The following SART3 variants were observed in gnomAD, a reference collection of about 807,000 sequenced individuals.
The protein encoded by SART3 is HIV-1 Tat-interacting protein of 110kDa.
SART3 carries 44 observed loss-of-function variants against 122.3 expected under a neutral mutation model. The observed-to-expected ratio is 0.36, with a 90% CI of 0.28 to 0.46. SART3 has a LOEUF of 0.46. SART3 is among the 20% of genes least tolerant of loss of function. The pLI is 1.00. For synonymous variants in SART3, 442 were observed against 454.0 expected, an observed-to-expected ratio of 0.97 and a Z score of 0.34; for missense variants, 1,101 against 1,229.0, an observed-to-expected ratio of 0.90 and a Z score of 1.56.
At chr12:108,551,186 C>T (rs2029994365) in intron 1 of SART3, among the ~76,000 whole-genome samples, 1 of 152,084 alleles carries the variant, frequency 6.6e-6, no homozygotes. Context: ...TTGAAGCGGA[C>T]ATATTAATAT....
intron 1 of SART3, among the ~76,000 whole-genome samples, chr12:108,555,963 T>A (rs1016880): frequency 6.6e-6 from 1 of 152,062 alleles, no homozygotes; most frequent in African/African-American, 2.4e-5. Context: ...ATAGACAAAC[T>A]GAAGAGAGAG....
At chr12:108,524,197 A>C in intron 18 of SART3, 119 bp downstream of exon 18, 1 of 890,484 alleles carries the variant, frequency 1.1e-6, no homozygotes, top group Non-Finnish European at 1.9e-6. Flanking sequence ...AAGGAACAGC[A>C]CATCTTGGCT....
intron 18 of SART3, 156 bp downstream of exon 18, chr12:108,524,160 C>T: frequency 2.6e-6 from 2 of 755,480 alleles, no homozygotes; most frequent in Admixed American, 3.7e-5. Flanking sequence ...GGACGCCTTG[C>T]TCCAGTGGAA....
At chr12:108,548,507 A>G (rs1873537545) in intron 2 of SART3, among the ~76,000 whole-genome samples, 1 of 152,090 alleles carries the variant, frequency 6.6e-6, no homozygotes, top group African/African-American at 2.4e-5. Flanking sequence ...ACCTGACTCC[A>G]GCATCTACAC....
In SART3 at chr12:108,538,222, G is replaced by A. The variant is rs150765293; in HGVS notation, c.1063-19C>T. 1.1e-4 allele frequency: 175 copies of A among 1,613,896 alleles called. No homozygotes were observed. Among genetic ancestry groups the A allele is most frequent in the Admixed American group, 7.7e-4 (46 of 60,024 alleles). ...GTCGATCCTATGATAAAGAATTCCA[G>A]AGTTAGGAAATTACACTTTATTAAG... On this transcript the variant is annotated intron_variant, in intron 7 of 18. Transcript: ENST00000546815.
chr12:108,544,620 G>A (rs1293390840), intron 4 of SART3, 142 bp from the exon 5 acceptor site: 2 of 1,153,912 alleles, frequency 1.7e-6, no homozygotes, highest in Non-Finnish European at 2.6e-6. Context: ...TGGCTGGAGT[G>A]TGGTGGTGTG....
At chr12:108,558,840 T>C (rs976656924) in intron 1 of SART3, among the ~76,000 whole-genome samples, 1 of 152,054 alleles carries the variant, frequency 6.6e-6, no homozygotes, top group Non-Finnish European at 1.5e-5. Flanking sequence ...GAGACCATCC[T>C]GGCTAAAACG....
At chr12:108,552,781 G>A (rs1476023568) in intron 1 of SART3, among the ~76,000 whole-genome samples, 1 of 152,102 alleles carries the variant, frequency 6.6e-6, no homozygotes, top group Non-Finnish European at 1.5e-5. Context: ...TGACTTACAG[G>A]CTTACTGAAA....
In SART3 at chr12:108,524,442, C is replaced by T. The variant is rs1171982445; in HGVS notation, c.2588G>A (p.Gly863Asp). Reference sequence around the variant, plus strand: ...GATGATGTTCTCTTTGATAGTCATGCCGTCCATCTTCATCACAGCCTGCGA... The same window carrying T: ...GATGATGTTCTCTTTGATAGTCATGTCGTCCATCTTCATCACAGCCTGCGA... The part of the protein sequence containing the change: ...QASQAVMKMD[G>D]MTIKENIIKV... The change falls in exon 18 of 19, where the codon GGC (glycine) becomes GAC (aspartate). Residue 863 changes from glycine (G) to aspartate (D), a missense_variant. Gly to Asp is a moderately conservative substitution (Grantham distance 94, BLOSUM62 -1). Around this residue, in one of 2 missense-constraint regions of SART3, gnomAD observed 885 missense variants for 1,080.1 expected, o/e 0.82. Coordinates refer to ENST00000546815, the MANE Select transcript of SART3 (RefSeq NM_014706.4). 6.2e-7 allele frequency: 1 copy of T among 1,614,184 alleles called. No individual in the cohort carries two copies. Among genetic ancestry groups the T allele is most frequent in the Non-Finnish European group, 8.5e-7 (1 of 1,180,018 alleles).
chr12:108,541,265 G>T (rs951085549), intron 6 of SART3, among the ~76,000 whole-genome samples: 2 of 151,932 alleles, frequency 1.3e-5, no homozygotes, highest in Non-Finnish European at 2.9e-5. Context: ...AAATTAGCGG[G>T]GCTTGGTGAC....
At chr12:108,529,119 T>C (rs1872531424) in intron 15 of SART3, among the ~76,000 whole-genome samples, 2 of 152,104 alleles carry the variant, frequency 1.3e-5, no homozygotes, top group South Asian at 4.1e-4. Context: ...CGAGACTCTG[T>C]CTCAAAAATA....
intron 1 of SART3, among the ~76,000 whole-genome samples, chr12:108,559,653 A>C (rs960633315): frequency 8.0e-6 from 1 of 125,184 alleles, no homozygotes; most frequent in Non-Finnish European, 1.6e-5. Flanking sequence ...TGACAGGGCG[A>C]GACTCTGTCT....
intron 8 of SART3, 89 bp downstream of exon 8, chr12:108,537,976 G>C: frequency 1.9e-6 from 3 of 1,552,758 alleles, no homozygotes; most frequent in Non-Finnish European, 2.7e-6. Context: ...GAAAACCCCA[G>C]GGAACACTGA....
intron 15 of SART3, 93 bp downstream of exon 15, chr12:108,530,049 G>T: frequency 7.0e-7 from 1 of 1,422,826 alleles, no homozygotes; most frequent in Non-Finnish European, 9.9e-7. Flanking sequence ...TATCAAGCTG[G>T]TAACGGTTCA....
chr12:108,553,437 TAA>T, intron 1 of SART3, among the ~76,000 whole-genome samples: 2 of 152,276 alleles, frequency 1.3e-5, no homozygotes, highest in East Asian at 3.8e-4. Flanking sequence ...TATCTCAAAA[TAA>T]AAAGGCGAAT....
chr12:108,544,716 C>T (rs1368195145), intron 4 of SART3: 1 of 627,562 alleles, frequency 1.6e-6, no homozygotes, highest in African/African-American at 1.8e-5. Flanking sequence ...CAGGCATACG[C>T]CATCATGCCC....
chr12:108,555,597 G>A (rs562097175), intron 1 of SART3, among the ~76,000 whole-genome samples: 2 of 152,158 alleles, frequency 1.3e-5, no homozygotes, highest in Non-Finnish European at 2.9e-5. Flanking sequence ...CCCAGCAGGC[G>A]GAGGTTGCAG....
At chr12:108,537,622 G>A (rs757508407) in intron 8 of SART3, 27 bp from the exon 9 acceptor site, 1 of 1,566,858 alleles carries the variant, frequency 6.4e-7, no homozygotes, top group Non-Finnish European at 8.8e-7. Context: ...GTCAGGATTT[G>A]TTACCAATTC....
Position 108,523,023 on chromosome 12 carries a change from T to TTAC in SART3, c.*431_*433dup, listed in dbSNP as rs1872196583. 5.1e-6 allele frequency: 1 copy of TTAC among 196,084 alleles called. No individual in the cohort carries two copies. Among genetic ancestry groups the TTAC allele is most frequent in the Non-Finnish European group, 1.1e-5 (1 of 94,296 alleles). 12.1% of individuals were successfully genotyped at this position (196,084 alleles called of 1,614,324 possible). On this transcript the variant is annotated 3_prime_UTR_variant, in exon 19 of 19. Transcript: ENST00000546815. ...CCCCCACAAGAGGCCATTCTGTGAA[T>TTAC]TACTAGCATCTGCCATTTCATCTTT... is the stretch of plus-strand genomic sequence containing the variant.
Sources: allele counts gnomAD v4.1 joint callset (sites outside exome capture counted in the v4.1 genomes callset), GRCh38; gene constraint gnomAD v4.1.1; regional missense constraint gnomAD v4.1.1; transcripts MANE v1.5; gene names NCBI Gene and HGNC (gene_info 2026-07-23, HGNC 2026-07-21).